The following NUMA1 variants were observed in gnomAD, a reference collection of about 807,000 sequenced individuals.
NUMA1 encodes SP-H antigen.
In NUMA1, 62 loss-of-function variants were observed where a neutral mutation model predicts 237.1. That is an observed-to-expected ratio of 0.26 (90% CI 0.21 to 0.32). The LOEUF (loss-of-function observed/expected upper bound fraction) is 0.32, where lower values mean the gene tolerates loss of function less well. NUMA1 is among the 10% of genes least tolerant of loss of function. The pLI is 1.00. For synonymous variants in NUMA1, 1,028 were observed against 1,066.1 expected, an observed-to-expected ratio of 0.96 and a Z score of 0.70; for missense variants, 2,533 against 2,666.5, an observed-to-expected ratio of 0.95 and a Z score of 1.10.
chr11:72,057,423 C>A (rs1412519047), intron 2 of NUMA1, among the ~76,000 whole-genome samples: 2 of 152,130 alleles, frequency 1.3e-5, no homozygotes, highest in African/African-American at 4.8e-5. Context: ...CATTAACTCA[C>A]TAAAAAATAA....
chr11:72,010,112 G>A (rs1956046654), intron 17 of NUMA1, among the ~76,000 whole-genome samples: 2 of 152,178 alleles, frequency 1.3e-5, no homozygotes, highest in South Asian at 4.1e-4. Flanking sequence ...TTGCAATCAA[G>A]ACATGCTGTG....
At chr11:72,018,084 G>A (rs1938144715) in intron 12 of NUMA1, 99 bp downstream of exon 12, 2 of 1,028,314 alleles carry the variant, frequency 1.9e-6, no homozygotes, top group African/African-American at 3.2e-5. Context: ...TGAAGCATAA[G>A]ACAGGTGCTG....
chr11:72,031,972 T>C (rs1404460004), intron 3 of NUMA1, among the ~76,000 whole-genome samples: 5 of 67,738 alleles, frequency 7.4e-5, no homozygotes, highest in Admixed American at 3.5e-4. Context: ...CCCAAAAAAT[T>C]AAAAAAAAAA....
intron 11 of NUMA1, 32 bp from the exon 12 acceptor site, chr11:72,018,332 A>AT: frequency 3.7e-6 from 6 of 1,608,386 alleles, no homozygotes; most frequent in Non-Finnish European, 4.3e-6. Context: ...AGAAGAGAGT[A>AT]TGGGTTCCTG....
chr11:72,013,975 C>A lies in NUMA1; in HGVS notation c.3528G>T (p.Gln1176His). Residue 1176 changes from glutamine (Q) to histidine (H), a missense_variant, in exon 15 of 27, where the codon CAG becomes CAT. Physicochemically the swap from Gln to His is conservative, Grantham distance 24. Coordinates refer to ENST00000393695, the MANE Select transcript of NUMA1 (RefSeq NM_006185.4). This position sits in a 1 kb window ranked among gnomAD's most constrained non-coding sequence, Gnocchi z 6.8. ...AGGCACTCTGACTGTGCCCTAGCTC[C>A]TGGGCCTTCTCCTCTAACTGGCCCT... is the stretch of plus-strand genomic sequence containing the variant. ...TLQGQLEEKA[Q>H]ELGHSQSALA... is the part of the protein sequence containing the mutation. The A allele has an allele frequency of 6.2e-7, 1 of 1,613,330 alleles. No individual in the cohort carries two copies. The highest frequency in any genetic ancestry group is 8.5e-7 in the Non-Finnish European group (1 of 1,180,006).
At chr11:72,035,742 C>T (rs1194520738) in intron 3 of NUMA1, among the ~76,000 whole-genome samples, 160 bp downstream of exon 3, 1 of 152,132 alleles carries the variant, frequency 6.6e-6, no homozygotes, top group African/African-American at 2.4e-5. Context: ...AAAATACACA[C>T]AGAGCAGATG....
At chr11:72,027,184 T>C (rs1211529704) in intron 4 of NUMA1, among the ~76,000 whole-genome samples, 1 of 152,250 alleles carries the variant, frequency 6.6e-6, no homozygotes, top group Non-Finnish European at 1.5e-5. Flanking sequence ...CAAAAAAGCA[T>C]GCTGCCCCAT....
chr11:72,007,825 T>C (rs1955850620), intron 20 of NUMA1: 1 of 353,636 alleles, frequency 2.8e-6, no homozygotes, highest in African/African-American at 2.1e-5. Context: ...TCCAATGTCG[T>C]CCTGCTTGGC....
chr11:72,003,227 C>T lies in NUMA1; in HGVS notation c.*300G>A, dbSNP rs1341946131. On this transcript the variant is annotated 3_prime_UTR_variant, in exon 27 of 27. Coordinates refer to ENST00000393695, the MANE Select transcript of NUMA1 (RefSeq NM_006185.4). The stretch of plus-strand genomic sequence containing the variant: ...GACTGGCCAGGCCCAAGGACCCAGC[C>T]ATCAAAACCAGCCTCAAATCTGGTT... The T allele has an allele frequency of 8.5e-6, 4 of 470,132 alleles. No individual in the cohort carries two copies. In the East Asian group the frequency reaches 1.4e-4, roughly 17 times the overall value. The allele number at this position is 470,132 out of a possible 1,614,324, so 29.1% of individuals were successfully genotyped here. A position where few individuals can be genotyped will look rare whatever the true frequency, so the allele number is the denominator to read the frequency against.
At chr11:72,074,722 G>A (rs1366535179) in intron 1 of NUMA1, among the ~76,000 whole-genome samples, 4 of 152,180 alleles carry the variant, frequency 2.6e-5, no homozygotes, top group Non-Finnish European at 4.4e-5. Flanking sequence ...CAGAGTGACA[G>A]AGCAAGACTC....
At chr11:72,011,492 C>T (rs1253822100) in intron 16 of NUMA1, among the ~76,000 whole-genome samples, 1 of 152,202 alleles carries the variant, frequency 6.6e-6, no homozygotes, top group Admixed American at 6.5e-5. Flanking sequence ...ATAACAGCCC[C>T]ATGCACCCTT....
chr11:72,016,359 G>A, intron 14 of NUMA1, 49 bp downstream of exon 14: 4 of 1,605,700 alleles, frequency 2.5e-6, no homozygotes, highest in East Asian at 2.2e-5. Flanking sequence ...TGTACTGAAT[G>A]TGAGTCCACA....
chr11:72,019,431 T>C, intron 9 of NUMA1, 63 bp downstream of exon 9: 1 of 1,591,190 alleles, frequency 6.3e-7, no homozygotes, highest in South Asian at 1.1e-5. Context: ...CTCTAGAAGT[T>C]AGGAATGTGA....
Position 72,005,286 on chromosome 11 carries a change from G to A in NUMA1, c.5776C>T (p.Arg1926Cys). The A allele has an allele frequency of 5.6e-6, 9 of 1,609,702 alleles. No homozygotes were observed. Among genetic ancestry groups the A allele is most frequent in the Non-Finnish European group, 6.8e-6 (8 of 1,178,054 alleles). Residue 1926 changes from arginine (R) to cysteine (C), a missense_variant, in exon 23 of 27, where the codon CGC becomes TGC. Around this residue, in one of 3 missense-constraint regions of NUMA1, gnomAD observed 795 missense variants for 750.8 expected, o/e 1.06. Transcript: ENST00000393695. The stretch of plus-strand genomic sequence containing the variant: ...AGATGTGGGGGGCACACTCGATTGC[G>A]CTGCTGCAGCTCTGCAATGCGGTTC... ...DWNRIAELQQ[R>C]NRVCPPHLKT...
chr11:72,052,355 A>T (rs1942412287), intron 2 of NUMA1, among the ~76,000 whole-genome samples: 1 of 152,206 alleles, frequency 6.6e-6, no homozygotes. Flanking sequence ...GGATAAGTAG[A>T]GTTTCACCAA....
At chr11:72,008,435 C>G (rs1955902580) in intron 20 of NUMA1, 1 of 505,886 alleles carries the variant, frequency 2.0e-6, no homozygotes, top group African/African-American at 1.9e-5. Flanking sequence ...CACTGCTCTT[C>G]TCGTCAACCT....
At chr11:72,052,009 G>A (rs1254795269) in intron 2 of NUMA1, among the ~76,000 whole-genome samples, 1 of 152,162 alleles carries the variant, frequency 6.6e-6, no homozygotes, top group Non-Finnish European at 1.5e-5. Flanking sequence ...GATGACTCTA[G>A]CACAACAGTG....
chr11:72,009,913 A>G (rs1411362509), intron 17 of NUMA1, among the ~76,000 whole-genome samples: 3 of 151,072 alleles, frequency 2.0e-5, no homozygotes, highest in Non-Finnish European at 4.4e-5. Context: ...CCTAACTCCA[A>G]AAGCCCATGG....
intron 1 of NUMA1, 144 bp downstream of exon 1, chr11:72,080,314 C>T (rs1366682797): frequency 1.9e-5 from 2 of 106,340 alleles, no homozygotes; most frequent in Non-Finnish European, 3.9e-5. Flanking sequence ...TCCTCACAAA[C>T]CTTACCCCCA....
Sources: allele counts gnomAD v4.1 joint callset (sites outside exome capture counted in the v4.1 genomes callset), GRCh38; gene constraint gnomAD v4.1.1; regional missense constraint gnomAD v4.1.1; non-coding constraint Gnocchi (gnomAD v3.1); transcripts MANE v1.5; gene names NCBI Gene and HGNC (gene_info 2026-07-23, HGNC 2026-07-21).